Variants in ABL2 observed in about 807,000 individuals in gnomAD.
ABL2 encodes ABL proto-oncogene 2, non-receptor tyrosine kinase, also known as tyrosine-protein kinase ABL2.
In ABL2, 49 loss-of-function variants were observed where a neutral mutation model predicts 107.7. The observed-to-expected ratio is 0.45, with a 90% CI of 0.36 to 0.58. The LOEUF is 0.58. Among genes scored for constraint, ABL2 ranks in the 20% least tolerant of loss-of-function variants. ABL2 has a pLI of 0.00. For missense variants in ABL2, 1,245 were observed against 1,457.0 expected (o/e 0.85, Z 2.37); for synonymous variants, 549 against 548.6 (o/e 1.00, Z -0.01).
chr1:179,204,533 G>A (rs933633815), intron 1 of ABL2, among the ~76,000 whole-genome samples: 3 of 151,270 alleles, frequency 2.0e-5, no homozygotes, highest in African/African-American at 7.3e-5. Flanking sequence ...ATCACTTGAG[G>A]CCAGGAGTTC....
At chr1:179,173,622 T>C (rs773447398) in intron 1 of ABL2, among the ~76,000 whole-genome samples, 14 of 152,108 alleles carry the variant, frequency 9.2e-5, no homozygotes, top group Non-Finnish European at 1.8e-4. Flanking sequence ...AGTGCTGGGA[T>C]TACAAGTGAG....
intron 4 of ABL2, among the ~76,000 whole-genome samples, chr1:179,125,842 T>G (rs576893152): frequency 1.3e-5 from 2 of 152,268 alleles, no homozygotes; most frequent in East Asian, 3.8e-4. Flanking sequence ...CATAAGCTCA[T>G]GCTCTGTAGT....
In ABL2 at chr1:179,126,477, A is replaced by G; in HGVS notation, c.587T>C (p.Leu196Pro). ...AGGGCTACTCTCACTTTCTCGCACC[A>G]GGAAGCTGCCATTGATTAGACTGCT... ...LLSSLINGSF[L>P]VRESESSPGQ... Residue 196 changes from leucine to proline, a missense_variant, in exon 4 of 12, where the codon CTG (leucine) becomes CCG (proline). Transcript: ENST00000502732. The surrounding 1 kb of genome is among the most constrained non-coding windows in gnomAD (Gnocchi z 4.4). The G allele has an allele frequency of 6.2e-7, 1 of 1,614,162 alleles. No individual in the cohort carries two copies. Among genetic ancestry groups the G allele is most frequent in the Non-Finnish European group, 8.5e-7 (1 of 1,180,026 alleles).
chr1:179,210,503 C>CAAAAAAAAAAAAAAAAA (rs113814284), intron 1 of ABL2, among the ~76,000 whole-genome samples: 1 of 94,092 alleles, frequency 1.1e-5, no homozygotes, highest in Non-Finnish European at 2.0e-5. Flanking sequence ...CTCTAACTCA[C>CAAAAAAAAAAAAAAAAA]AAAAAAAAAA....
At chr1:179,188,385 T>C (rs191750812) in intron 1 of ABL2, among the ~76,000 whole-genome samples, 407 of 148,928 alleles carry the variant, frequency 2.7e-3, no homozygotes, top group Non-Finnish European at 4.3e-3. Flanking sequence ...CTACTAACAA[T>C]ACAAAAAAAA....
intron 1 of ABL2, among the ~76,000 whole-genome samples, chr1:179,185,058 TCTC>T (rs1284989612): frequency 6.6e-6 from 1 of 152,236 alleles, no homozygotes; most frequent in Non-Finnish European, 1.5e-5. Flanking sequence ...TAGCTTCTTT[TCTC>T]CTTTCTCTGT....
Position 179,146,160 on chromosome 1 carries a change from C to A in ABL2, c.158-12786G>T, listed in dbSNP as rs147235100. 2.3e-3 allele frequency among the ~76,000 whole-genome samples: 345 copies of A among 152,254 alleles called. 4 individuals carry two copies. Among genetic ancestry groups the A allele is most frequent in the African/African-American group, 7.7e-3 (319 of 41,548 alleles). ...TTATTACATGAAAAAAAATGAATTA[C>A]ATTGAGAACCAAATTAGAAGCAGAA... On this transcript the variant is annotated intron_variant, in intron 1 of 11. Coordinates refer to ENST00000502732, the MANE Select transcript of ABL2 (RefSeq NM_007314.4).
intron 1 of ABL2, among the ~76,000 whole-genome samples, chr1:179,134,096 A>G (rs1016395007): frequency 3.3e-5 from 5 of 152,210 alleles, no homozygotes; most frequent in Non-Finnish European, 4.4e-5. Context: ...ACATCATAAC[A>G]TGTTCCTTGT....
chr1:179,181,859 C>A (rs1660393755), intron 1 of ABL2, among the ~76,000 whole-genome samples: 1 of 151,612 alleles, frequency 6.6e-6, no homozygotes, highest in Admixed American at 6.6e-5. Flanking sequence ...CGGCTCACTG[C>A]AACTTCTGCC....
At chr1:179,153,412 G>A (rs984623489) in intron 1 of ABL2, among the ~76,000 whole-genome samples, 1 of 151,880 alleles carries the variant, frequency 6.6e-6, no homozygotes, top group African/African-American at 2.4e-5. Context: ...AGCAACACTG[G>A]GACAAAATAA....
intron 1 of ABL2, among the ~76,000 whole-genome samples, chr1:179,145,999 T>C (rs762773747): frequency 2.0e-5 from 3 of 151,860 alleles, no homozygotes; most frequent in Non-Finnish European, 4.4e-5. Context: ...GTTCAAGCGA[T>C]TCTCCTGCCT....
chr1:179,126,622 C>T lies in ABL2; in HGVS notation c.442G>A (p.Val148Ile), dbSNP rs1161326666. 2 of 1,614,074 alleles carry T rather than the reference C, an allele frequency of 1.2e-6. No individual in the cohort carries two copies. The highest frequency in any genetic ancestry group is 1.3e-5 in the African/African-American group (1 of 74,914). ...CAGCCCTGCCCATTCTTAGAGCGAACTTCACTCCACTCACCATTCTGGTTG... is the reference window on the plus strand; with the variant it reads ...CAGCCCTGCCCATTCTTAGAGCGAATTTCACTCCACTCACCATTCTGGTTG... Reference protein sequence around the residue: ...GYNQNGEWSEVRSKNGQGWVP... With the variant: ...GYNQNGEWSEIRSKNGQGWVP... The change falls in exon 4 of 12, where the codon GTT (valine) becomes ATT (isoleucine). Residue 148 changes from valine to isoleucine, a missense_variant. Coordinates refer to ENST00000502732, the MANE Select transcript of ABL2 (RefSeq NM_007314.4). The surrounding 1 kb of genome is among the most constrained non-coding windows in gnomAD (Gnocchi z 4.4).
intron 1 of ABL2, among the ~76,000 whole-genome samples, chr1:179,137,315 T>G (rs1016271015): frequency 1.3e-5 from 2 of 152,108 alleles, no homozygotes; most frequent in Admixed American, 1.3e-4. Context: ...GAATTTCCAC[T>G]GGCTACAAAA....
At position 179,105,438 on chromosome 1, in the gene ABL2, A is replaced by G; in HGVS notation, c.*2280T>C. 4.3e-6 allele frequency: 1 copy of G among 231,304 alleles called. No individual in the cohort carries two copies. 14.3% of individuals were successfully genotyped at this position (231,304 alleles called of 1,614,324 possible). A position where few individuals can be genotyped will look rare whatever the true frequency, so the allele number is the denominator to read the frequency against. ...TACAGTTTTAGCTTTCCCATCCTCG[A>G]CCTTAAAAGGCTAGCTGCTAAAACG... On this transcript the variant is annotated 3_prime_UTR_variant, in exon 12 of 12. Coordinates refer to ENST00000502732, the MANE Select transcript of ABL2 (RefSeq NM_007314.4).
At chr1:179,190,507 T>A (rs1252699764) in intron 1 of ABL2, among the ~76,000 whole-genome samples, 2 of 152,142 alleles carry the variant, frequency 1.3e-5, no homozygotes, top group Non-Finnish European at 2.9e-5. Flanking sequence ...GGAAGCTTCA[T>A]TACATAGGCA....
intron 1 of ABL2, among the ~76,000 whole-genome samples, chr1:179,223,678 CAAG>C (rs1251689875): frequency 6.6e-6 from 1 of 150,912 alleles, no homozygotes; most frequent in African/African-American, 2.4e-5. Context: ...GATTGGCACT[CAAG>C]AAAAAAAGAA....
chr1:179,229,190 C>G, intron 1 of ABL2, 51 bp downstream of exon 1: 2 of 960,086 alleles, frequency 2.1e-6, no homozygotes, highest in Non-Finnish European at 2.9e-6. Flanking sequence ...CCGCCCCGAC[C>G]CCACCCCCGG....
At chr1:179,162,522 T>C (rs1407700835) in intron 1 of ABL2, among the ~76,000 whole-genome samples, 1 of 152,050 alleles carries the variant, frequency 6.6e-6, no homozygotes, top group Non-Finnish European at 1.5e-5. Context: ...GAGGCAAAGG[T>C]TGCAGTGAGC....
Position 179,109,120 on chromosome 1 carries a change from T to C in ABL2, c.2147A>G (p.Lys716Arg). 2.7e-6 allele frequency: 4 copies of C among 1,493,218 alleles called. No individual in the cohort carries two copies. The highest frequency in any genetic ancestry group is 2.8e-5 in the East Asian group (1 of 35,826). The allele number at this position is 1,493,218 out of a possible 1,614,324, so 92.5% of individuals were successfully genotyped here. A position where few individuals can be genotyped will look rare whatever the true frequency, so the allele number is the denominator to read the frequency against. Residue 716 changes from lysine (K) to arginine (R), a missense_variant, in exon 12 of 12, where the codon AAG becomes AGG. By Grantham distance (26) the Lys-to-Arg change is conservative. Around this residue, in one of 3 missense-constraint regions of ABL2, gnomAD observed 761 missense variants for 766.4 expected, o/e 0.99. Coordinates refer to ENST00000502732, the MANE Select transcript of ABL2 (RefSeq NM_007314.4). The stretch of plus-strand genomic sequence containing the variant: ...CTGTGCAAAGCTCCCCCCATAGCAC[T>C]TGGGTGGCACCAGATTCGCCTCTTG... ...AQQEANLVPP[K>R]CYGGSFAQRN...
Sources: allele counts gnomAD v4.1 joint callset (sites outside exome capture counted in the v4.1 genomes callset), GRCh38; gene constraint gnomAD v4.1.1; regional missense constraint gnomAD v4.1.1; non-coding constraint Gnocchi (gnomAD v3.1); transcripts MANE v1.5; gene names NCBI Gene and HGNC (gene_info 2026-07-23, HGNC 2026-07-21).